The following USP9X variants were observed in gnomAD, a reference collection of about 807,000 sequenced individuals.
USP9X encodes ubiquitin carboxyl-terminal hydrolase 9X.
A neutral mutation model predicts 190.3 loss-of-function variants in USP9X; 7 were observed. The observed-to-expected ratio is 0.04, with a 90% confidence interval of 0.02 to 0.07. The LOEUF (loss-of-function observed/expected upper bound fraction) is 0.07, where lower values mean the gene tolerates loss of function less well. Ranked by LOEUF, USP9X falls within the 10% of genes least tolerant of loss-of-function variation. USP9X has a pLI of 1.00. For missense variants in USP9X, 1,010 were observed against 1,916.9 expected, an observed-to-expected ratio of 0.53 and a Z score of 8.83; for synonymous variants, 645 against 659.5, an observed-to-expected ratio of 0.98 and a Z score of 0.34.
intron 38 of USP9X, among the ~76,000 whole-genome samples, chrX:41,219,667 A>G (rs1407790797): frequency 3.8e-4 from 43 of 111,799 alleles, no homozygotes; most frequent in Non-Finnish European, 9.4e-5. Context: ...AACTACAATT[A>G]TGGATAATAT....
chrX:41,171,896 G>A lies in USP9X; in HGVS notation c.3086G>A (p.Ser1029Asn), dbSNP rs1221962284. Reference sequence around the variant, plus strand: ...CTTTGGCAAGTTGCAGACTTAGGTAGCAGCCTAAATATGCCACCCCTTAGA... The same window carrying A: ...CTTTGGCAAGTTGCAGACTTAGGTAACAGCCTAAATATGCCACCCCTTAGA... Reference protein sequence around the residue: ...SFLWQVADLGSSLNMPPLRDG... With the variant: ...SFLWQVADLGNSLNMPPLRDG... Residue 1029 changes from serine to asparagine, a missense_variant, in exon 21 of 45, where the codon AGC (serine) becomes AAC (asparagine). Ser to Asn is a conservative substitution (Grantham distance 46, BLOSUM62 1). Transcript: ENST00000378308. 8.3e-7 allele frequency: 1 copy of A among 1,210,941 alleles called. No homozygotes were observed.
At chrX:41,169,461 A>G (rs760911769) in intron 18 of USP9X, among the ~76,000 whole-genome samples, 2 of 111,324 alleles carry the variant, frequency 1.8e-5, no homozygotes, top group East Asian at 5.6e-4. Flanking sequence ...AAAAGGAGCA[A>G]TATTTTTTTT....
intron 24 of USP9X, among the ~76,000 whole-genome samples, chrX:41,187,314 T>G (rs1479280301): frequency 8.9e-6 from 1 of 112,558 alleles, no homozygotes; most frequent in East Asian, 2.8e-4. Flanking sequence ...TAGTGTGTGT[T>G]CTTTTGTGTC....
intron 37 of USP9X, 91 bp from the exon 38 acceptor site, chrX:41,219,011 T>C: frequency 5.5e-6 from 5 of 905,081 alleles, no homozygotes; most frequent in Non-Finnish European, 6.0e-6. Flanking sequence ...AATGTATGCC[T>C]GTATCAGCAT....
chrX:41,220,756 C>G (rs1444891458), intron 38 of USP9X, among the ~76,000 whole-genome samples: 3 of 106,933 alleles, frequency 2.8e-5, no homozygotes, highest in African/African-American at 1.0e-4. Context: ...GAGTTCAAGA[C>G]CAGCCTGGCA....
At chrX:41,101,244 G>T (rs1471919295) in intron 1 of USP9X, among the ~76,000 whole-genome samples, 2 of 110,376 alleles carry the variant, frequency 1.8e-5, no homozygotes. Context: ...GTTAATTTGA[G>T]TGTTCGAATC....
chrX:41,203,094 ATTC>A (rs1261388294), intron 31 of USP9X, among the ~76,000 whole-genome samples: 2 of 112,342 alleles, frequency 1.8e-5, no homozygotes, highest in Non-Finnish European at 3.8e-5. Flanking sequence ...GTAAAAACAC[ATTC>A]TTCTTTGTAG....
At chrX:41,215,828 T>A in intron 34 of USP9X, 71 bp from the exon 35 acceptor site, 1 of 1,059,983 alleles carries the variant, frequency 9.4e-7, no homozygotes, top group Non-Finnish European at 1.3e-6. Context: ...TTTAAAAGTT[T>A]GCTTGGGGTT....
At chrX:41,184,217 G>A in intron 22 of USP9X, 89 bp downstream of exon 22, 1 of 1,037,936 alleles carries the variant, frequency 9.6e-7, no homozygotes, top group Non-Finnish European at 1.3e-6. Context: ...CCTTTCATAT[G>A]GTAAGGTGAA....
At chrX:41,147,573 C>T (rs2062480833) in intron 11 of USP9X, among the ~76,000 whole-genome samples, 1 of 107,827 alleles carries the variant, frequency 9.3e-6, no homozygotes, top group African/African-American at 3.4e-5. Flanking sequence ...CCTGCCTCAG[C>T]CTCCCAAGTA....
intron 9 of USP9X, 120 bp downstream of exon 9, chrX:41,141,551 G>T: frequency 1.3e-6 from 1 of 741,063 alleles, no homozygotes; most frequent in Non-Finnish European, 1.8e-6. Flanking sequence ...ATTGGGAGGT[G>T]TTTTGATTGA....
At chrX:41,157,100 G>A (rs1037639119) in intron 14 of USP9X, among the ~76,000 whole-genome samples, 2 of 111,655 alleles carry the variant, frequency 1.8e-5, no homozygotes, top group African/African-American at 6.5e-5. Context: ...GTCAGCAAAG[G>A]GTGAAAGCCT....
chrX:41,126,109 G>A (rs916276788), intron 2 of USP9X, among the ~76,000 whole-genome samples: 1 of 111,789 alleles, frequency 8.9e-6, no homozygotes, highest in African/African-American at 3.3e-5. Context: ...ATATTCTATC[G>A]TAAGTAGTAT....
chrX:41,183,849 C>A (rs1289288789), intron 21 of USP9X, 149 bp from the exon 22 acceptor site: 1 of 637,958 alleles, frequency 1.6e-6, no homozygotes, highest in East Asian at 4.2e-5. Flanking sequence ...TTTAATCATT[C>A]CAGGTCTTGT....
chrX:41,102,035 G>C (rs753828225), intron 1 of USP9X, among the ~76,000 whole-genome samples: 3 of 111,210 alleles, frequency 2.7e-5, no homozygotes, highest in Non-Finnish European at 5.7e-5. Flanking sequence ...TTTCTTTTTG[G>C]GGGTGATGAA....
At chrX:41,102,816 G>T (rs765928464) in intron 1 of USP9X, among the ~76,000 whole-genome samples, 2 of 106,024 alleles carry the variant, frequency 1.9e-5, no homozygotes, top group Non-Finnish European at 3.9e-5. Context: ...TTTTTGAGAC[G>T]GAGTCTTGCT....
At chrX:41,093,439 G>A (rs758439293) in intron 1 of USP9X, among the ~76,000 whole-genome samples, 1 of 112,057 alleles carries the variant, frequency 8.9e-6, no homozygotes, top group Non-Finnish European at 1.9e-5. Context: ...CCGCCTCCTG[G>A]GTTCAAGTGA....
chrX:41,231,728 T>C (rs1379896107), intron 44 of USP9X, among the ~76,000 whole-genome samples: 1 of 91,401 alleles, frequency 1.1e-5, no homozygotes, highest in African/African-American at 4.3e-5. Flanking sequence ...GAAACTCCCA[T>C]CTCAAAAAAA....
intron 11 of USP9X, among the ~76,000 whole-genome samples, chrX:41,146,664 C>CTTTTTTTT (rs748840962): frequency 2.0e-5 from 1 of 50,368 alleles, no homozygotes; most frequent in Non-Finnish European, 3.5e-5. Context: ...AGCTATTTGC[C>CTTTTTTTT]TTTTTTTTTT....
Sources: allele counts gnomAD v4.1 joint callset (sites outside exome capture counted in the v4.1 genomes callset), GRCh38; gene constraint gnomAD v4.1.1; transcripts MANE v1.5; gene names NCBI Gene and HGNC (gene_info 2026-07-23, HGNC 2026-07-21).